Variants in LINGO2 observed in about 807,000 individuals in gnomAD.
The protein encoded by LINGO2 is leucine-rich repeat and immunoglobulin-like domain-containing nogo receptor-interacting protein 2.
In LINGO2, 14 loss-of-function variants were observed where a neutral mutation model predicts 30.6. The observed-to-expected ratio is 0.46, with a 90% CI of 0.30 to 0.72. The LOEUF (loss-of-function observed/expected upper bound fraction) is 0.72. Ranked by LOEUF, LINGO2 falls within the 30% of genes least tolerant of loss-of-function variation. The pLI, the probability that LINGO2 is intolerant of heterozygous loss-of-function variation, is 0.07. For missense variants in LINGO2, 729 were observed against 751.7 expected, an observed-to-expected ratio of 0.97 and a Z score of 0.35; for synonymous variants, 317 against 288.5, an observed-to-expected ratio of 1.10 and a Z score of -1.00.
chr9:28,428,982 C>A (rs889468103), intron 2 of LINGO2, among the ~76,000 whole-genome samples: 10 of 152,126 alleles, frequency 6.6e-5, no homozygotes, highest in African/African-American at 9.7e-5. Flanking sequence ...GATTCTTTAT[C>A]TTGACTTAAG....
At chr9:29,156,884 T>C in the LINGO2 span, among the ~76,000 whole-genome samples, 1,009 of 152,146 alleles carry the variant, frequency 6.6e-3, 16 homozygotes, top group African/African-American at 0.023. Context: ...ATCTAAATAT[T>C]AAGCCCAAAA....
At chr9:29,002,890 G>A in the LINGO2 span, among the ~76,000 whole-genome samples, 1 of 151,956 alleles carries the variant, frequency 6.6e-6, no homozygotes, top group African/African-American at 2.4e-5. Flanking sequence ...CCAAATCCTT[G>A]CTACCTTTGA....
chr9:28,300,787 C>T (rs994429965), intron 3 of LINGO2, among the ~76,000 whole-genome samples: 19 of 151,750 alleles, frequency 1.3e-4, no homozygotes, highest in African/African-American at 1.5e-4. Flanking sequence ...ACACTTAGTT[C>T]GTGTTCAAGT....
intron 5 of LINGO2, among the ~76,000 whole-genome samples, chr9:27,999,499 G>A (rs1196910531): frequency 6.6e-6 from 1 of 151,160 alleles, no homozygotes; most frequent in African/African-American, 2.4e-5. Context: ...GCATTTGCAT[G>A]TATGCTTATG....
chr9:29,020,663 A>G, the LINGO2 span, among the ~76,000 whole-genome samples: 1 of 152,162 alleles, frequency 6.6e-6, no homozygotes, highest in Non-Finnish European at 1.5e-5. Flanking sequence ...AAGTCAGAAG[A>G]GACACTTTGG....
the LINGO2 span, among the ~76,000 whole-genome samples, chr9:28,950,864 G>A: frequency 1.1e-4 from 17 of 152,082 alleles, no homozygotes; most frequent in South Asian, 2.1e-4. Context: ...ATCAAGCTAC[G>A]ACTGACTTTC....
the LINGO2 span, among the ~76,000 whole-genome samples, chr9:28,990,698 C>G: frequency 6.6e-6 from 1 of 152,086 alleles, no homozygotes; most frequent in Admixed American, 6.5e-5. Flanking sequence ...TCGCGGTTCA[C>G]GAAAATCCGC....
intron 4 of LINGO2, among the ~76,000 whole-genome samples, chr9:28,276,419 A>T (rs919410919): frequency 3.3e-5 from 5 of 152,074 alleles, no homozygotes; most frequent in Non-Finnish European, 5.9e-5. Context: ...TCATTACTCC[A>T]TGTCTCAGTT....
chr9:28,903,909 A>G, the LINGO2 span, among the ~76,000 whole-genome samples: 3 of 39,500 alleles, frequency 7.6e-5, no homozygotes, highest in African/African-American at 2.0e-4. Flanking sequence ...AGACAGGGAC[A>G]GTGTAAAAAA....
chr9:27,969,283 T>C (rs1442980399), intron 5 of LINGO2, among the ~76,000 whole-genome samples: 2 of 152,100 alleles, frequency 1.3e-5, no homozygotes, highest in East Asian at 1.9e-4. Flanking sequence ...TATGTTTATA[T>C]GAAAGCTTCA....
At chr9:28,583,954 T>C (rs956487394) in intron 1 of LINGO2, among the ~76,000 whole-genome samples, 1 of 152,032 alleles carries the variant, frequency 6.6e-6, no homozygotes, top group African/African-American at 2.4e-5. Flanking sequence ...GGAAGTGGGC[T>C]CTTGATAGAA....
At chr9:28,166,377 T>C (rs2133625615) in intron 4 of LINGO2, among the ~76,000 whole-genome samples, 1 of 152,312 alleles carries the variant, frequency 6.6e-6, no homozygotes, top group African/African-American at 2.4e-5. Context: ...GATTCCTCAG[T>C]GGGAGGTACC....
the LINGO2 span, among the ~76,000 whole-genome samples, chr9:29,012,386 A>G: frequency 6.6e-6 from 1 of 152,154 alleles, no homozygotes; most frequent in African/African-American, 2.4e-5. Context: ...ATTCACATTT[A>G]TAGAAACAGA....
chr9:28,525,610 A>G (rs1388346795), intron 1 of LINGO2, among the ~76,000 whole-genome samples: 1 of 152,182 alleles, frequency 6.6e-6, no homozygotes, highest in African/African-American at 2.4e-5. Context: ...TGTCTAGAAC[A>G]GCAAATCTAT....
At chr9:27,995,643 C>A (rs1177396159) in intron 5 of LINGO2, among the ~76,000 whole-genome samples, 1 of 152,146 alleles carries the variant, frequency 6.6e-6, no homozygotes, top group African/African-American at 2.4e-5. Flanking sequence ...CCAAAAAGCA[C>A]TTGACTAAAT....
the LINGO2 span, among the ~76,000 whole-genome samples, chr9:28,781,901 T>C: frequency 6.6e-6 from 1 of 152,232 alleles, no homozygotes; most frequent in African/African-American, 2.4e-5. Context: ...ACTCAATTTA[T>C]TGTCATACAG....
intron 4 of LINGO2, among the ~76,000 whole-genome samples, chr9:28,253,073 G>C: frequency 6.7e-6 from 1 of 148,386 alleles, no homozygotes; most frequent in South Asian, 2.1e-4. Flanking sequence ...GTTTCAATTT[G>C]CTAAAAAAAA....
At chr9:28,855,224 T>C in the LINGO2 span, among the ~76,000 whole-genome samples, 2 of 151,926 alleles carry the variant, frequency 1.3e-5, no homozygotes, top group East Asian at 3.9e-4. Flanking sequence ...AGGATGTAAA[T>C]AAGAAGCAGA....
chr9:28,203,559 TTTATTAATTA>T (rs1564040440), intron 4 of LINGO2, among the ~76,000 whole-genome samples: 1 of 152,172 alleles, frequency 6.6e-6, no homozygotes, highest in East Asian at 1.9e-4. Context: ...TAAGCATTGC[TTTATTAATTA>T]GTAACTCATC....
Sources: allele counts gnomAD v4.1 joint callset (sites outside exome capture counted in the v4.1 genomes callset), GRCh38; gene constraint gnomAD v4.1.1; transcripts MANE v1.5; gene names NCBI Gene and HGNC (gene_info 2026-07-23, HGNC 2026-07-21).